The following GASK1B variants were observed in gnomAD, a reference collection of about 807,000 sequenced individuals.
The protein encoded by GASK1B is golgi associated kinase 1B, also known as Golgi-associated kinase 1B.
Under a neutral mutation model 42.8 loss-of-function variants are expected in GASK1B, and 34 were observed. That is an observed-to-expected ratio of 0.79 (90% CI 0.60 to 1.06). GASK1B has a LOEUF of 1.06. Among genes scored for constraint, GASK1B ranks in the 50% least tolerant of loss-of-function variants. The probability of loss-of-function intolerance (pLI) is 0.00; values close to 1 mark genes in which losing one functional copy is unlikely to be tolerated. For synonymous variants in GASK1B, 262 were observed against 259.1 expected (o/e 1.01, Z -0.11); for missense variants, 686 against 661.0 (o/e 1.04, Z -0.42).
At chr4:158,133,756 C>T (rs537574800) in intron 3 of GASK1B, among the ~76,000 whole-genome samples, 1 of 152,200 alleles carries the variant, frequency 6.6e-6, no homozygotes, top group African/African-American at 2.4e-5. Flanking sequence ...GATTTCACCA[C>T]CTCCCTGACA....
chr4:158,138,379 A>T (rs1477105005), intron 3 of GASK1B, among the ~76,000 whole-genome samples: 2 of 152,332 alleles, frequency 1.3e-5, no homozygotes, highest in South Asian at 4.1e-4. Context: ...TTTGCATTTT[A>T]TGAAATTCTG....
chr4:158,149,979 C>T (rs1276896852), intron 3 of GASK1B, among the ~76,000 whole-genome samples: 1 of 132,620 alleles, frequency 7.5e-6, no homozygotes, highest in East Asian at 2.4e-4. Context: ...GTTTGGAGTG[C>T]AGTGGCGCGA....
intron 2 of GASK1B, among the ~76,000 whole-genome samples, chr4:158,162,287 G>T (rs1388513041): frequency 1.3e-5 from 2 of 152,122 alleles, no homozygotes; most frequent in Non-Finnish European, 2.9e-5. Flanking sequence ...TGTAAGGTAG[G>T]TTTGCTTCAC....
At chr4:158,160,887 T>C (rs58547264) in intron 2 of GASK1B, among the ~76,000 whole-genome samples, 2,886 of 152,186 alleles carry the variant, frequency 0.019, 75 homozygotes, top group African/African-American at 0.064. Context: ...TGACCTCTCT[T>C]ATATGTGGAA....
At chr4:158,129,968 T>A (rs899019173) in intron 4 of GASK1B, among the ~76,000 whole-genome samples, 2 of 152,168 alleles carry the variant, frequency 1.3e-5, no homozygotes, top group Non-Finnish European at 2.9e-5. Context: ...AAATGTCTAA[T>A]TTCCTTTATT....
intron 3 of GASK1B, among the ~76,000 whole-genome samples, chr4:158,142,404 C>T (rs1194805012): frequency 1.3e-5 from 2 of 152,064 alleles, no homozygotes; most frequent in Non-Finnish European, 2.9e-5. Flanking sequence ...CAAACTACAA[C>T]ACACACACAC....
intron 3 of GASK1B, among the ~76,000 whole-genome samples, chr4:158,136,789 AAAG>A (rs1317311578): frequency 6.6e-6 from 1 of 152,252 alleles, no homozygotes; most frequent in Non-Finnish European, 1.5e-5. Flanking sequence ...GCATCTTTAG[AAAG>A]AAGAATGCAT....
intron 4 of GASK1B, among the ~76,000 whole-genome samples, chr4:158,128,091 T>TCTATTTA (rs1456865940): frequency 3.9e-5 from 6 of 152,206 alleles, no homozygotes; most frequent in Non-Finnish European, 7.3e-5. Context: ...CACAACTGAA[T>TCTATTTA]TTATGTGAAA....
intron 2 of GASK1B, among the ~76,000 whole-genome samples, chr4:158,161,064 T>C (rs1300120157): frequency 6.6e-6 from 1 of 151,994 alleles, no homozygotes; most frequent in Non-Finnish European, 1.5e-5. Context: ...AATAATAATA[T>C]AACGTATATA....
intron 2 of GASK1B, among the ~76,000 whole-genome samples, chr4:158,159,996 TAAG>T (rs1731909445): frequency 6.6e-6 from 1 of 152,084 alleles, no homozygotes; most frequent in Non-Finnish European, 1.5e-5. Context: ...TGAGCAAAAA[TAAG>T]AAGAAAAGTC....
At chr4:158,150,305 G>A (rs1731509700) in intron 3 of GASK1B, among the ~76,000 whole-genome samples, 2 of 152,016 alleles carry the variant, frequency 1.3e-5, no homozygotes, top group Admixed American at 6.6e-5. Flanking sequence ...TCCTGACAAA[G>A]ATAATAAAGA....
At chr4:158,135,897 A>G (rs184456969) in intron 3 of GASK1B, among the ~76,000 whole-genome samples, 266 of 152,222 alleles carry the variant, frequency 1.7e-3, no homozygotes, top group African/African-American at 5.0e-3. Context: ...AGAAATCCAA[A>G]GGCATCTTTA....
In GASK1B at chr4:158,170,418, A is replaced by G; in HGVS notation, c.910+48T>C. ...GAGAGTGAGGGAAAAAAGAAAATGA[A>G]CCAGAATCCCCAACAGCTGCAAATA... is the stretch of plus-strand genomic sequence containing the variant. On this transcript the variant is annotated intron_variant, in intron 2 of 4. Coordinates refer to ENST00000585682, the MANE Select transcript of GASK1B (RefSeq NM_001128424.2). 3.7e-6 allele frequency: 6 copies of G among 1,614,138 alleles called. No homozygotes were observed. The South Asian group carries it at 5.5e-5, about 15-fold the overall frequency.
chr4:158,134,114 T>A (rs1372908708), intron 3 of GASK1B, among the ~76,000 whole-genome samples: 1 of 152,218 alleles, frequency 6.6e-6, no homozygotes, highest in Non-Finnish European at 1.5e-5. Flanking sequence ...TGTTTATAGG[T>A]TTCCTTTTGA....
Position 158,170,771 on chromosome 4 carries a change from TC to T in GASK1B, c.604del (p.Glu202ArgfsTer15), listed in dbSNP as rs763783445. On this transcript the variant is annotated frameshift_variant, in exon 2 of 5. Coordinates refer to ENST00000585682, the MANE Select transcript of GASK1B (RefSeq NM_001128424.2). LOFTEE classifies it high-confidence loss of function. ...GPDFLQPSSR[E>X]SNIRIYSESA... is the part of the protein sequence containing the mutation. The stretch of plus-strand genomic sequence containing the variant: ...CTCGCTGTAGATCCTAATGTTGCTC[TC>T]CCTGGAGCTGGGCTGCAGGAAGTCT... The T allele has an allele frequency of 6.2e-7, 1 of 1,614,218 alleles. No individual in the cohort carries two copies. The highest frequency in any genetic ancestry group is 1.7e-5 in the Admixed American group (1 of 60,038).
chr4:158,130,733 G>T, intron 4 of GASK1B, 53 bp downstream of exon 4: 1 of 1,337,156 alleles, frequency 7.5e-7, no homozygotes, highest in Non-Finnish European at 1.1e-6. Flanking sequence ...TCAGAACCTT[G>T]CTACTTATCT....
At chr4:158,168,188 G>A (rs1215345247) in intron 2 of GASK1B, among the ~76,000 whole-genome samples, 1 of 152,142 alleles carries the variant, frequency 6.6e-6, no homozygotes, top group Non-Finnish European at 1.5e-5. Flanking sequence ...TTATTAAATT[G>A]AGTCATATTA....
intron 4 of GASK1B, among the ~76,000 whole-genome samples, chr4:158,130,003 G>A (rs1730617961): frequency 1.3e-5 from 2 of 152,166 alleles, no homozygotes; most frequent in Non-Finnish European, 2.9e-5. Context: ...GATCAAGTGT[G>A]CCATGAGCAA....
chr4:158,127,736 C>G (rs1730518412), intron 4 of GASK1B, 122 bp from the exon 5 acceptor site: 1 of 842,770 alleles, frequency 1.2e-6, no homozygotes, highest in African/African-American at 1.7e-5. Flanking sequence ...CTTTGAGAAC[C>G]AAAACATTTT....
Sources: gnomAD v4.1 joint callset for allele counts (sites outside exome capture counted in the v4.1 genomes callset) on GRCh38, gnomAD v4.1.1 for gene constraint, MANE v1.5 for transcripts, NCBI Gene and HGNC (gene_info 2026-07-23, HGNC 2026-07-21) for gene names.